The following TRAPPC9 variants were observed in gnomAD, a reference collection of about 807,000 sequenced individuals.
The protein encoded by TRAPPC9 is IKK2 binding protein.
Under a neutral mutation model 124.0 loss-of-function variants are expected in TRAPPC9, and 83 were observed. That is an observed-to-expected ratio of 0.67 (90% CI 0.56 to 0.80). The LOEUF is 0.80. Among genes scored for constraint, TRAPPC9 ranks in the 30% least tolerant of loss-of-function variants. TRAPPC9 has a pLI of 0.00. For synonymous variants in TRAPPC9, 638 were observed against 617.5 expected (o/e 1.03, Z -0.49); for missense variants, 1,302 against 1,508.3 (o/e 0.86, Z 2.27).
chr8:139,849,611 A>G (rs750558779), intron 21 of TRAPPC9, among the ~76,000 whole-genome samples: 1 of 152,260 alleles, frequency 6.6e-6, no homozygotes, highest in Non-Finnish European at 1.5e-5. Context: ...TACTTCGTGT[A>G]ATATTCAATA....
At chr8:140,449,843 G>A (rs2071393525) in intron 2 of TRAPPC9, among the ~76,000 whole-genome samples, 2 of 152,172 alleles carry the variant, frequency 1.3e-5, no homozygotes, top group South Asian at 4.1e-4. Flanking sequence ...TCTCATCTGT[G>A]AACCAAAGGG....
intron 5 of TRAPPC9, among the ~76,000 whole-genome samples, chr8:140,414,896 T>C (rs564770420): frequency 1.6e-3 from 249 of 152,094 alleles, no homozygotes; most frequent in Middle Eastern, 6.8e-3. Flanking sequence ...CGTGCCAACA[T>C]GCCCAACTAA....
At chr8:139,994,110 T>TC (rs1563673471) in intron 18 of TRAPPC9, among the ~76,000 whole-genome samples, 1 of 152,090 alleles carries the variant, frequency 6.6e-6, no homozygotes, top group Non-Finnish European at 1.5e-5. Flanking sequence ...TAGCCTGGGA[T>TC]CCCCCCAGAA....
intron 18 of TRAPPC9, among the ~76,000 whole-genome samples, chr8:140,017,994 C>A (rs1473031857): frequency 6.6e-6 from 1 of 152,110 alleles, no homozygotes; most frequent in Non-Finnish European, 1.5e-5. Flanking sequence ...CAGGCATCCA[C>A]CACCACACCC....
At position 139,884,650 on chromosome 8, in the gene TRAPPC9, C is replaced by T. The variant is rs72683255; in HGVS notation, c.3055+1229G>A. On this transcript the variant is annotated intron_variant, in intron 21 of 22. Coordinates refer to ENST00000438773, the MANE Select transcript of TRAPPC9 (RefSeq NM_001160372.4). Reference sequence around the variant, plus strand: ...GAGTCTAGGGACACGGCTGACTGTGCTCAGGTCATCAGGAGATAGATAGGA... The same window carrying T: ...GAGTCTAGGGACACGGCTGACTGTGTTCAGGTCATCAGGAGATAGATAGGA... 5.6e-3 allele frequency among the ~76,000 whole-genome samples: 860 copies of T among 152,332 alleles called. 5 individuals carry two copies. Among genetic ancestry groups the T allele is most frequent in the Middle Eastern group, 0.01 (3 of 294 alleles).
chr8:140,128,115 GTTAAT>G lies in TRAPPC9; in HGVS notation c.2556+93339_2556+93343del, dbSNP rs1563782274. Among the ~76,000 whole-genome samples, 6 of 152,216 alleles carry G rather than the reference GTTAAT, an allele frequency of 3.9e-5. No homozygotes were observed. In the South Asian group the frequency reaches 1.2e-3, roughly 31 times the overall value. On this transcript the variant is annotated intron_variant, in intron 17 of 22. Coordinates refer to ENST00000438773, the MANE Select transcript of TRAPPC9 (RefSeq NM_001160372.4). Reference sequence around the variant, plus strand: ...TACAAAAGTTAGAATTTACAATTGTGTTAATTTGTTTTTATCAATACCAAAGGCAA... The same window carrying G: ...TACAAAAGTTAGAATTTACAATTGTGTTGTTTTTATCAATACCAAAGGCAA...
intron 9 of TRAPPC9, among the ~76,000 whole-genome samples, chr8:140,342,090 G>A (rs2067212093): frequency 6.6e-6 from 1 of 152,202 alleles, no homozygotes. Flanking sequence ...ACCAGAAGTG[G>A]CAGAGTCCAG....
chr8:140,289,028 G>A (rs1418905599), intron 12 of TRAPPC9, among the ~76,000 whole-genome samples: 1 of 152,198 alleles, frequency 6.6e-6, no homozygotes, highest in Non-Finnish European at 1.5e-5. Flanking sequence ...ACACACAGAT[G>A]GAGGAAGGCA....
chr8:140,133,620 C>G (rs528039910), intron 17 of TRAPPC9, among the ~76,000 whole-genome samples: 3 of 152,258 alleles, frequency 2.0e-5, no homozygotes, highest in South Asian at 2.1e-4. Context: ...AAGTAAAACT[C>G]TCTGTATTCA....
chr8:139,749,932 G>A (rs1341153141), intron 21 of TRAPPC9, among the ~76,000 whole-genome samples: 1 of 152,150 alleles, frequency 6.6e-6, no homozygotes, highest in Admixed American at 6.5e-5. Context: ...CAAGGGAGAT[G>A]GGCCCAGACA....
intron 17 of TRAPPC9, among the ~76,000 whole-genome samples, chr8:140,217,445 G>A (rs1437300083): frequency 1.3e-5 from 2 of 152,210 alleles, no homozygotes; most frequent in Non-Finnish European, 2.9e-5. Context: ...GCCGGTAGCA[G>A]TGGACGGCCT....
At chr8:140,014,806 C>T (rs957438088) in intron 18 of TRAPPC9, among the ~76,000 whole-genome samples, 9 of 152,132 alleles carry the variant, frequency 5.9e-5, no homozygotes, top group Non-Finnish European at 1.3e-4. Context: ...TGTAACACCC[C>T]CAGATAGGAA....
intron 5 of TRAPPC9, among the ~76,000 whole-genome samples, chr8:140,407,094 C>A (rs73713123): frequency 0.025 from 3,879 of 152,248 alleles, 185 homozygotes; most frequent in African/African-American, 0.088. Context: ...AACATCCACA[C>A]GTGTCATCAT....
chr8:139,924,183 CA>C (rs1832671555), intron 19 of TRAPPC9, among the ~76,000 whole-genome samples: 2 of 152,178 alleles, frequency 1.3e-5, no homozygotes, highest in Non-Finnish European at 2.9e-5. Context: ...ATAAATCAGT[CA>C]AGCCTCTTGA....
At chr8:139,766,259 C>A (rs1190097361) in intron 21 of TRAPPC9, among the ~76,000 whole-genome samples, 1 of 152,190 alleles carries the variant, frequency 6.6e-6, no homozygotes, top group Non-Finnish European at 1.5e-5. Context: ...CAGGCTCAGC[C>A]CATCTGTAAA....
At chr8:140,161,729 T>C (rs958508399) in intron 17 of TRAPPC9, among the ~76,000 whole-genome samples, 2 of 151,954 alleles carry the variant, frequency 1.3e-5, no homozygotes, top group African/African-American at 4.8e-5. Flanking sequence ...AACTGTTCAT[T>C]CCAGCATATC....
chr8:140,231,492 T>C (rs1191981197), intron 16 of TRAPPC9, among the ~76,000 whole-genome samples: 13 of 124,524 alleles, frequency 1.0e-4, no homozygotes, highest in Non-Finnish European at 1.5e-4. Flanking sequence ...TTTTTTTTTT[T>C]TTTTTTTTTT....
At chr8:139,876,121 C>A (rs757171124) in intron 21 of TRAPPC9, among the ~76,000 whole-genome samples, 2 of 152,228 alleles carry the variant, frequency 1.3e-5, no homozygotes, top group African/African-American at 4.8e-5. Flanking sequence ...ACAAAGCTCC[C>A]CACATGATGT....
intron 9 of TRAPPC9, among the ~76,000 whole-genome samples, chr8:140,354,767 T>C (rs2067687810): frequency 6.6e-6 from 1 of 152,178 alleles, no homozygotes; most frequent in South Asian, 2.1e-4. Context: ...CAATAAATTA[T>C]AGTATCCATC....
Sources: gnomAD v4.1 joint callset for allele counts (sites outside exome capture counted in the v4.1 genomes callset) on GRCh38, gnomAD v4.1.1 for gene constraint, MANE v1.5 for transcripts, NCBI Gene and HGNC (gene_info 2026-07-23, HGNC 2026-07-21) for gene names.